The following PRLR variants were observed in gnomAD, a reference collection of about 807,000 sequenced individuals.
The protein encoded by PRLR is prolactin receptor, also known as hPRL receptor.
A neutral mutation model predicts 40.2 loss-of-function variants in PRLR; 13 were observed. The observed-to-expected ratio is 0.32, with a 90% CI of 0.21 to 0.51. The LOEUF is 0.51. PRLR is among the 20% of genes least tolerant of loss of function. The pLI is 0.97. For missense variants in PRLR, 656 were observed against 747.3 expected (o/e 0.88, Z 1.42); for synonymous variants, 269 against 278.7 (o/e 0.97, Z 0.35).
chr5:35,086,816 G>A (rs1010551529), intron 3 of PRLR, among the ~76,000 whole-genome samples: 2 of 151,952 alleles, frequency 1.3e-5, no homozygotes, highest in Non-Finnish European at 2.9e-5. Context: ...GCAAAACACC[G>A]CTCTATGGCA....
At chr5:35,220,330 C>T (rs1331210494) in intron 1 of PRLR, among the ~76,000 whole-genome samples, 1 of 152,132 alleles carries the variant, frequency 6.6e-6, no homozygotes, top group East Asian at 1.9e-4. Context: ...ACAACTCAGA[C>T]CTTTTCCAGT....
At chr5:35,197,588 C>T (rs1011363313) in intron 1 of PRLR, among the ~76,000 whole-genome samples, 1 of 152,218 alleles carries the variant, frequency 6.6e-6, no homozygotes, top group Non-Finnish European at 1.5e-5. Flanking sequence ...TTCCTCCCAC[C>T]TGTTCAGTCC....
intron 9 of PRLR, among the ~76,000 whole-genome samples, chr5:35,067,786 T>C (rs925456232): frequency 6.6e-5 from 10 of 152,126 alleles, no homozygotes; most frequent in Admixed American, 6.6e-4. Flanking sequence ...TGAGAGATAA[T>C]GGCAATGGGA....
chr5:35,059,144 T>G lies in PRLR; in HGVS notation c.*5945A>C, dbSNP rs1369083465. ...TGAAGCGTAATTTGACCATAACTAT[T>G]AAAGGTTATTTTTTATATTACTACT... On this transcript the variant is annotated 3_prime_UTR_variant, in exon 10 of 10. Coordinates refer to ENST00000618457, the MANE Select transcript of PRLR (RefSeq NM_000949.7). 6.6e-6 allele frequency: 1 copy of G among 152,158 alleles called. No homozygotes were observed. Among genetic ancestry groups the G allele is most frequent in the Non-Finnish European group, 1.5e-5 (1 of 68,022 alleles). 9.4% of individuals were successfully genotyped at this position (152,158 alleles called of 1,614,324 possible).
chr5:35,097,614 G>A (rs952465318), intron 2 of PRLR, among the ~76,000 whole-genome samples: 1 of 151,966 alleles, frequency 6.6e-6, no homozygotes, highest in Non-Finnish European at 1.5e-5. Flanking sequence ...GTGGGGACAG[G>A]TCAGAGGACC....
rs1490023814 is a variant in PRLR at position 35,065,621 on chromosome 5, G to A, written c.1337C>T (p.Ala446Val). The change falls in exon 10 of 10, where the codon GCA becomes GTA. Residue 446 changes from alanine (A) to valine (V), a missense_variant. Coordinates refer to ENST00000618457, the MANE Select transcript of PRLR (RefSeq NM_000949.7). ...TGCTTCATTCAACAGAGTGGCCGGT[G>A]CACCTGCAGGGCCCACAGCCAGCTC... ...VCELAVGPAG[A>V]PATLLNEAGK... 3.1e-6 allele frequency: 5 copies of A among 1,614,134 alleles called. No homozygotes were observed. Among genetic ancestry groups the A allele is most frequent in the African/African-American group, 1.3e-5 (1 of 75,026 alleles).
Position 35,049,044 on chromosome 5 carries a change from A to G in PRLR, c.*243T>C, listed in dbSNP as rs1020526433. ...GGAGGTGAAGGCACTAGGTAAGCAG[A>G]GGGAGTATGTTACATTCAATATAAT... On this transcript the variant is annotated 3_prime_UTR_variant, in exon 9 of 9. Coordinates refer to the PRLR transcript ENST00000231423. The G allele has an allele frequency of 3.7e-5, 22 of 597,298 alleles. No homozygotes were observed. The East Asian group carries it at 7.7e-4, about 21-fold the overall frequency. 37.0% of individuals were successfully genotyped at this position (597,298 alleles called of 1,614,324 possible).
chr5:35,057,469 A>G lies in PRLR; in HGVS notation c.*7620T>C, dbSNP rs892562908. 2 of 152,206 alleles carry G rather than the reference A, an allele frequency of 1.3e-5. No individual in the cohort carries two copies. The highest frequency in any genetic ancestry group is 2.9e-5 in the Non-Finnish European group (2 of 68,030). 9.4% of individuals were successfully genotyped at this position (152,206 alleles called of 1,614,324 possible). ...CTGGGTATTTTCAATAATGATGTGA[A>G]TAGAAATATAACTAACATATTATAT... On this transcript the variant is annotated 3_prime_UTR_variant, in exon 10 of 10. Coordinates refer to ENST00000618457, the MANE Select transcript of PRLR (RefSeq NM_000949.7).
chr5:35,065,310 A>C lies in PRLR; in HGVS notation c.1648T>G (p.Ser550Ala). The stretch of plus-strand genomic sequence containing the variant: ...AGGATGTTGTTATCCATGACCCCGG[A>C]CACCTTGGCATACTCCTTATTGTTC... The part of the protein sequence containing the change: ...PENNKEYAKV[S>A]GVMDNNILVL... The change falls in exon 10 of 10, where the codon TCC (serine) becomes GCC (alanine). Residue 550 changes from serine to alanine, a missense_variant. Transcript: ENST00000618457. 1 of 1,614,110 alleles carries C rather than the reference A, an allele frequency of 6.2e-7. No individual in the cohort carries two copies. The highest frequency in any genetic ancestry group is 8.5e-7 in the Non-Finnish European group (1 of 1,180,010).
At chr5:35,138,377 A>G (rs895167799) in intron 1 of PRLR, among the ~76,000 whole-genome samples, 1 of 152,260 alleles carries the variant, frequency 6.6e-6, no homozygotes, top group Non-Finnish European at 1.5e-5. Context: ...ACAATTAAAG[A>G]AAATGTCATC....
chr5:35,185,858 G>T, intron 1 of PRLR, among the ~76,000 whole-genome samples: 1 of 152,174 alleles, frequency 6.6e-6, no homozygotes, highest in Non-Finnish European at 1.5e-5. Context: ...ATTCTGTGGC[G>T]TCTCTTTCTG....
At chr5:35,086,390 T>C (rs766531505) in intron 3 of PRLR, 50 bp from the exon 4 acceptor site, 6 of 1,600,816 alleles carry the variant, frequency 3.7e-6, no homozygotes, top group East Asian at 4.5e-5. Context: ...CATTTAACCA[T>C]TTGACCCTTC....
At chr5:35,141,975 A>T (rs144368920) in intron 1 of PRLR, among the ~76,000 whole-genome samples, 1 of 152,218 alleles carries the variant, frequency 6.6e-6, no homozygotes, top group African/African-American at 2.4e-5. Flanking sequence ...ACTGCTCAGC[A>T]CCATGTCATA....
Position 35,099,293 on chromosome 5 carries a change from T to C in PRLR, c.-43-9630A>G, listed in dbSNP as rs1411825865. ...CATATATGGTGGTGGTCCTATAAGA[T>C]GACAATGGGGCTGAAAAGTTCCTAT... On this transcript the variant is annotated intron_variant, in intron 2 of 9. Transcript: ENST00000618457. Among the ~76,000 whole-genome samples the C allele has an allele frequency of 2.6e-5, 4 of 152,300 alleles. No individual in the cohort carries two copies. The East Asian group carries it at 5.8e-4, about 22-fold the overall frequency.
intron 5 of PRLR, among the ~76,000 whole-genome samples, chr5:35,083,444 C>CTGTG (rs779873401): frequency 3.2e-4 from 44 of 139,568 alleles, no homozygotes; most frequent in African/African-American, 1.3e-3. Context: ...CTCTTCCTCT[C>CTGTG]TCTCTGTGTG....
intron 8 of PRLR, 57 bp downstream of exon 8, chr5:35,068,722 T>G (rs1461001791): frequency 1.7e-5 from 22 of 1,290,162 alleles, no homozygotes; most frequent in Non-Finnish European, 2.4e-5. Context: ...ATTTTTTTTT[T>G]TGTCATTATC....
chr5:35,152,951 A>G (rs1308640422), intron 1 of PRLR: 1 of 152,218 alleles, frequency 6.6e-6, no homozygotes, highest in African/African-American at 2.4e-5. Flanking sequence ...GCTGGCAGGC[A>G]TGGGACTTGG....
chr5:35,185,038 T>C (rs892621498), intron 1 of PRLR, among the ~76,000 whole-genome samples: 1 of 152,252 alleles, frequency 6.6e-6, no homozygotes, highest in Non-Finnish European at 1.5e-5. Flanking sequence ...GGAAGGACTT[T>C]AGAAAAACAA....
At chr5:35,192,469 A>C (rs1352687167) in intron 1 of PRLR, among the ~76,000 whole-genome samples, 2 of 152,186 alleles carry the variant, frequency 1.3e-5, no homozygotes, top group African/African-American at 4.8e-5. Context: ...GAAAGCGTGT[A>C]GGGTAAGATA....
Sources: gnomAD v4.1 joint callset for allele counts (sites outside exome capture counted in the v4.1 genomes callset) on GRCh38, gnomAD v4.1.1 for gene constraint, MANE v1.5 for transcripts, NCBI Gene and HGNC (gene_info 2026-07-23, HGNC 2026-07-21) for gene names.